The following MADD variants were observed in gnomAD, a reference collection of about 807,000 sequenced individuals.
The protein encoded by MADD is MAP kinase activating death domain.
MADD carries 109 observed loss-of-function variants against 176.7 expected under a neutral mutation model. The observed-to-expected ratio is 0.62, with a 90% CI of 0.53 to 0.72. The LOEUF is 0.72. Ranked by LOEUF, MADD falls within the 30% of genes least tolerant of loss-of-function variation. The probability of loss-of-function intolerance (pLI) is 0.00; values close to 1 mark genes in which losing one functional copy is unlikely to be tolerated. For synonymous variants in MADD, 771 were observed against 771.3 expected (o/e 1.00, Z 0.01); for missense variants, 1,914 against 2,045.5 (o/e 0.94, Z 1.24).
chr11:47,286,411 T>C, intron 14 of MADD, 22 bp from the exon 15 acceptor site: 1 of 1,549,942 alleles, frequency 6.5e-7, no homozygotes, highest in Non-Finnish European at 8.9e-7. Flanking sequence ...AAGTCATCGC[T>C]CTTGCACCCT....
chr11:47,290,020 G>C, exon 17 of MADD: 1 of 1,614,208 alleles, frequency 6.2e-7, no homozygotes, highest in Non-Finnish European at 8.5e-7. Context: ...TGCAGTCAGA[G>C]GACGATGCCC....
chr11:47,308,186 A>C (rs2084680489), intron 22 of MADD, among the ~76,000 whole-genome samples: 1 of 152,222 alleles, frequency 6.6e-6, no homozygotes, highest in African/African-American at 2.4e-5. Context: ...TTGACAGATA[A>C]GGAAAATGAG....
chr11:47,282,764 C>T (rs2057874116), intron 9 of MADD, 49 bp from the exon 10 acceptor site: 1 of 1,604,080 alleles, frequency 6.2e-7, no homozygotes, highest in Non-Finnish European at 8.5e-7. Flanking sequence ...GCGTTGCTTG[C>T]CTTTTTTTCC....
exon 33 of MADD, chr11:47,329,205 G>C (rs2095800284): frequency 7.7e-7 from 1 of 1,297,140 alleles, no homozygotes; most frequent in Admixed American, 1.7e-5. Context: ...GCCCCTTGCT[G>C]TTCCCAAGTG....
At position 47,315,208 on chromosome 11, in the gene MADD, C is replaced by G. The variant is rs754811269; in HGVS notation, c.4090-12C>G. 1.3e-6 allele frequency: 2 copies of G among 1,579,450 alleles called. No individual in the cohort carries two copies. Among genetic ancestry groups the G allele is most frequent in the African/African-American group, 2.7e-5 (2 of 74,360 alleles). ...ATGTATGACTGTCCCTAAAAAATCTCTCTTTCATCAGAATGGACGCGATCT... is the reference window on the plus strand; with the variant it reads ...ATGTATGACTGTCCCTAAAAAATCTGTCTTTCATCAGAATGGACGCGATCT... On this transcript the variant is annotated splice_polypyrimidine_tract_variant and intron_variant, in intron 26 of 32. Transcript: ENST00000402192.
At chr11:47,283,963 G>A (rs552099041) in intron 10 of MADD, among the ~76,000 whole-genome samples, 14 of 152,282 alleles carry the variant, frequency 9.2e-5, no homozygotes, top group African/African-American at 2.9e-4. Context: ...CCGCCTTAGC[G>A]TCCCAAAGTG....
chr11:47,324,134 C>T (rs527652819), intron 28 of MADD, 131 bp from the exon 32 acceptor site: 5 of 765,300 alleles, frequency 6.5e-6, no homozygotes, highest in African/African-American at 1.7e-5. Flanking sequence ...ATAAGACATC[C>T]GAAAAATAGG....
intron 4 of MADD, among the ~76,000 whole-genome samples, 167 bp downstream of exon 4, chr11:47,276,369 A>AT (rs768134999): frequency 6.6e-6 from 1 of 152,228 alleles, no homozygotes; most frequent in African/African-American, 2.4e-5. Flanking sequence ...TGTGGGTTGA[A>AT]TTAAGATACT....
At position 47,278,108 on chromosome 11, in the gene MADD, A is replaced by T. The variant is rs893085017; in HGVS notation, c.1096-57A>T. On this transcript the variant is annotated intron_variant, in intron 5 of 32. Transcript: ENST00000402192. ...CCTTATCTAGAAGAATCCAGACTTG[A>T]TAAGTGCTCATGATAGGTTTTGTCT... 6 of 1,152,900 alleles carry T rather than the reference A, an allele frequency of 5.2e-6. No homozygotes were observed. In the African/African-American group the frequency reaches 9.1e-5, roughly 17 times the overall value. 71.4% of individuals were successfully genotyped at this position (1,152,900 alleles called of 1,614,324 possible). A position where few individuals can be genotyped will look rare whatever the true frequency, so the allele number is the denominator to read the frequency against.
At chr11:47,299,957 C>T (rs916609826) in intron 22 of MADD, among the ~76,000 whole-genome samples, 1 of 152,138 alleles carries the variant, frequency 6.6e-6, no homozygotes, top group Non-Finnish European at 1.5e-5. Context: ...CCTTGTCTTG[C>T]TACAGATTGT....
chr11:47,328,422 A>C, intron 31 of MADD: 1 of 1,425,792 alleles, frequency 7.0e-7, no homozygotes, highest in Non-Finnish European at 9.1e-7. Flanking sequence ...AGTAAACGCC[A>C]CTGCGGATGA....
chr11:47,327,801 T>G, intron 31 of MADD: 1 of 985,420 alleles, frequency 1.0e-6, no homozygotes, highest in Non-Finnish European at 1.2e-6. Context: ...CTCCTGCCTT[T>G]TCTGGCCCCC....
chr11:47,306,031 A>G (rs1458661634), intron 22 of MADD, among the ~76,000 whole-genome samples: 1 of 152,178 alleles, frequency 6.6e-6, no homozygotes, highest in African/African-American at 2.4e-5. Flanking sequence ...GTTAGGTGCT[A>G]GGATGCATGA....
rs945601928 is a variant in MADD, at chr11:47,318,141, C to A, written c.4197+2814C>A. The stretch of plus-strand genomic sequence containing the variant: ...GATTTTGAGGCATGGTTAGAAAAAG[C>A]CTTACTCTCCAGGATTATAAAGGAA... On this transcript the variant is annotated intron_variant, in intron 27 of 32. Coordinates refer to ENST00000402192, the Ensembl canonical transcript of MADD. Among the ~76,000 whole-genome samples the A allele has an allele frequency of 3.3e-5, 5 of 152,064 alleles. No individual in the cohort carries two copies. The East Asian group carries it at 7.7e-4, about 23-fold the overall frequency.
In MADD at chr11:47,284,848, T is replaced by C. The variant is rs1207069794; in HGVS notation, c.2158-93T>C. ...TCCCACACATTCCTTAGGCTAGAAA[T>C]CTGACAGGCCTGGTCCAGCCCTGCC... On this transcript the variant is annotated intron_variant, in intron 12 of 32. Transcript: ENST00000402192. 5.9e-6 allele frequency: 9 copies of C among 1,532,604 alleles called. No homozygotes were observed. In the East Asian group the frequency reaches 6.8e-5, roughly 11 times the overall value. The allele number at this position is 1,532,604 out of a possible 1,614,324, so 94.9% of individuals were successfully genotyped here.
At chr11:47,303,692 G>A (rs1286828076) in intron 22 of MADD, among the ~76,000 whole-genome samples, 2 of 148,592 alleles carry the variant, frequency 1.3e-5, no homozygotes, top group African/African-American at 2.5e-5. Flanking sequence ...TGCAACCTGC[G>A]CCGCTTGGGT....
Position 47,315,209 on chromosome 11 carries a change from T to A in MADD, c.4090-11T>A. ...TGTATGACTGTCCCTAAAAAATCTC[T>A]CTTTCATCAGAATGGACGCGATCTC... On this transcript the variant is annotated splice_polypyrimidine_tract_variant and intron_variant, in intron 26 of 32. Coordinates refer to ENST00000402192, the Ensembl canonical transcript of MADD. The A allele has an allele frequency of 1.3e-6, 2 of 1,582,828 alleles. No individual in the cohort carries two copies. Among genetic ancestry groups the A allele is most frequent in the Non-Finnish European group, 1.7e-6 (2 of 1,151,920 alleles).
Position 47,275,161 on chromosome 11 carries a change from TAC to T in MADD, c.659+4_659+5del, listed in dbSNP as rs760314626. 2 of 1,608,088 alleles carry T rather than the reference TAC, an allele frequency of 1.2e-6. No individual in the cohort carries two copies. Among genetic ancestry groups the T allele is most frequent in the Admixed American group, 3.4e-5 (2 of 59,536 alleles). ...GGGCATCCCTCGAGGCGTACAAAGG[TAC>T]AGTTTGCTGCTGATGCCTAATGGGG... On this transcript the variant is annotated splice_donor_region_variant and intron_variant, in intron 3 of 32. Transcript: ENST00000402192.
At chr11:47,307,128 G>A (rs562604668) in intron 22 of MADD, among the ~76,000 whole-genome samples, 4 of 150,746 alleles carry the variant, frequency 2.7e-5, no homozygotes, top group Admixed American at 2.6e-4. Context: ...TGCCCAGGCT[G>A]GTCTTGAACT....
Sources: gnomAD v4.1 joint callset for allele counts (sites outside exome capture counted in the v4.1 genomes callset) on GRCh38, gnomAD v4.1.1 for gene constraint, MANE v1.5 for transcripts, NCBI Gene and HGNC (gene_info 2026-07-23, HGNC 2026-07-21) for gene names.